RAD51B: variants seen among roughly 807,000 people sequenced by gnomAD.
The protein encoded by RAD51B is RAD51 paralog B, also known as DNA repair protein RAD51 homolog 2.
A neutral mutation model predicts 42.2 loss-of-function variants in RAD51B; 38 were observed. The ratio of observed to expected loss-of-function variants is 0.90; its 90% confidence interval spans 0.70 to 1.18. RAD51B has a LOEUF of 1.18. Ranked by LOEUF, RAD51B falls within the 50% of genes most tolerant of loss-of-function variation. The pLI is 0.00. For missense variants in RAD51B, 373 were observed against 400.7 expected (o/e 0.93, Z 0.59); for synonymous variants, 154 against 145.2 (o/e 1.06, Z -0.43).
chr14:68,428,715 A>C (rs1402746733), intron 9 of RAD51B, among the ~76,000 whole-genome samples: 1 of 1,624 alleles, frequency 6.2e-4, no homozygotes, highest in Non-Finnish European at 2.1e-3. Flanking sequence ...CTTTATATAT[A>C]TATATATATA....
At chr14:68,053,129 T>C (rs2076420686) in intron 7 of RAD51B, among the ~76,000 whole-genome samples, 1 of 152,220 alleles carries the variant, frequency 6.6e-6, no homozygotes, top group South Asian at 2.1e-4. Context: ...TTAATCGAGC[T>C]GTGGGCTCTG....
intron 7 of RAD51B, among the ~76,000 whole-genome samples, chr14:68,109,269 A>T (rs1490402321): frequency 3.3e-5 from 5 of 151,972 alleles, no homozygotes; most frequent in Non-Finnish European, 1.5e-5. Flanking sequence ...AGAAATGATT[A>T]ATGGTTTGTT....
intron 8 of RAD51B, among the ~76,000 whole-genome samples, chr14:68,331,506 T>G (rs1191602181): frequency 1.3e-5 from 2 of 152,042 alleles, no homozygotes; most frequent in Non-Finnish European, 2.9e-5. Flanking sequence ...GCCATTTTGT[T>G]GAGTTCTACT....
intron 7 of RAD51B, among the ~76,000 whole-genome samples, chr14:68,203,579 C>T (rs1040863184): frequency 3.3e-5 from 5 of 152,118 alleles, no homozygotes; most frequent in Admixed American, 1.3e-4. Flanking sequence ...TAGCCCCTAC[C>T]GAGAGAGTCA....
At chr14:68,171,450 C>G (rs949895394) in intron 7 of RAD51B, among the ~76,000 whole-genome samples, 1 of 151,788 alleles carries the variant, frequency 6.6e-6, no homozygotes, top group African/African-American at 2.4e-5. Context: ...CAGGCGCCCA[C>G]CACCACACCC....
intron 10 of RAD51B, among the ~76,000 whole-genome samples, chr14:68,570,335 G>T (rs1480948014): frequency 2.6e-5 from 4 of 152,190 alleles, no homozygotes; most frequent in Admixed American, 6.5e-5. Context: ...CTCTCTCCCC[G>T]GGGTCATTTG....
chr14:67,890,164 C>T (rs568953304), intron 7 of RAD51B, among the ~76,000 whole-genome samples: 11 of 152,204 alleles, frequency 7.2e-5, no homozygotes, highest in South Asian at 6.2e-4. Context: ...CTAATTACCA[C>T]GTACAGAATA....
At chr14:68,323,250 G>A (rs545565904) in intron 8 of RAD51B, among the ~76,000 whole-genome samples, 42 of 152,322 alleles carry the variant, frequency 2.8e-4, no homozygotes, top group African/African-American at 9.6e-4. Context: ...ACAGTTAGTC[G>A]GTGGCAGCTA....
intron 9 of RAD51B, among the ~76,000 whole-genome samples, chr14:68,445,272 C>T (rs566441146): frequency 3.9e-5 from 6 of 152,246 alleles, no homozygotes; most frequent in East Asian, 1.9e-4. Flanking sequence ...TTGGCCAGAC[C>T]TCTTAAACTT....
intron 10 of RAD51B, among the ~76,000 whole-genome samples, chr14:68,493,074 A>T (rs2140284308): frequency 6.6e-6 from 1 of 151,902 alleles, no homozygotes; most frequent in South Asian, 2.1e-4. Flanking sequence ...AGATGAGGGG[A>T]GGGGTCTCTT....
intron 7 of RAD51B, among the ~76,000 whole-genome samples, chr14:68,280,949 C>G (rs1031372520): frequency 7.9e-5 from 12 of 151,726 alleles, no homozygotes; most frequent in Non-Finnish European, 1.8e-4. Flanking sequence ...CCCAGCTCCT[C>G]TTGTGTCTGA....
At chr14:68,628,020 G>A (rs1892130567) in intron 10 of RAD51B, among the ~76,000 whole-genome samples, 1 of 152,094 alleles carries the variant, frequency 6.6e-6, no homozygotes, top group Non-Finnish European at 1.5e-5. Context: ...ACAGTGAACA[G>A]AAAAATGAAA....
At chr14:67,863,150 ATTTTTTT>A (rs5809367) in intron 4 of RAD51B, among the ~76,000 whole-genome samples, 2 of 74,032 alleles carry the variant, frequency 2.7e-5, no homozygotes, top group Non-Finnish European at 5.7e-5. Context: ...AAATATGGGA[ATTTTTTT>A]TTTTTTTTTT....
chr14:68,294,652 A>G (rs1674962005), intron 8 of RAD51B, among the ~76,000 whole-genome samples: 1 of 152,220 alleles, frequency 6.6e-6, no homozygotes, highest in Non-Finnish European at 1.5e-5. Context: ...TCTAGCATAT[A>G]AGATCATGAG....
chr14:68,610,843 ATGTGTG>A (rs60173412), intron 10 of RAD51B, among the ~76,000 whole-genome samples: 18,225 of 144,880 alleles, frequency 0.13, 1,231 homozygotes, highest in Non-Finnish European at 0.17. Flanking sequence ...CTGAATGTAT[ATGTGTG>A]TGTGTGTGTG....
At chr14:68,305,639 C>CA (rs1365838272) in intron 8 of RAD51B, among the ~76,000 whole-genome samples, 1 of 152,176 alleles carries the variant, frequency 6.6e-6, no homozygotes, top group African/African-American at 2.4e-5. Flanking sequence ...GAGAGATCAT[C>CA]ATGATCTTTG....
chr14:67,881,249 T>C (rs969642246), intron 5 of RAD51B, among the ~76,000 whole-genome samples: 4 of 152,216 alleles, frequency 2.6e-5, no homozygotes, highest in African/African-American at 7.2e-5. Flanking sequence ...CTGAAACTTA[T>C]TTAGCTTCAC....
At chr14:68,662,275 G>C (rs191859421) in intron 11 of RAD51B, among the ~76,000 whole-genome samples, 1 of 152,246 alleles carries the variant, frequency 6.6e-6, no homozygotes. Context: ...CCCCATCCCG[G>C]GCATGTATAA....
chr14:68,524,217 C>T (rs1459081715), intron 10 of RAD51B, among the ~76,000 whole-genome samples: 5 of 151,894 alleles, frequency 3.3e-5, no homozygotes, highest in East Asian at 1.9e-4. Flanking sequence ...CCTGACCGAC[C>T]GACAGAGAGA....
Sources: gnomAD v4.1 joint callset for allele counts (sites outside exome capture counted in the v4.1 genomes callset) on GRCh38, gnomAD v4.1.1 for gene constraint, MANE v1.5 for transcripts, NCBI Gene and HGNC (gene_info 2026-07-23, HGNC 2026-07-21) for gene names.